The following CTNNA3 variants were observed in gnomAD, a reference collection of about 807,000 sequenced individuals.
CTNNA3 encodes the protein catenin alpha 3.
CTNNA3 carries 76 observed loss-of-function variants against 95.7 expected under a neutral mutation model. That is an observed-to-expected ratio of 0.79 (90% CI 0.66 to 0.96). The LOEUF is 0.96. Ranked by LOEUF, CTNNA3 falls within the 40% of genes least tolerant of loss-of-function variation. The pLI is 0.00. For missense variants in CTNNA3, 1,191 were observed against 1,089.8 expected, an observed-to-expected ratio of 1.09 and a Z score of -1.31; for synonymous variants, 431 against 374.4, an observed-to-expected ratio of 1.15 and a Z score of -1.74.
At chr10:66,236,960 A>T (rs556415767) in intron 13 of CTNNA3, among the ~76,000 whole-genome samples, 17 of 66,544 alleles carry the variant, frequency 2.6e-4, no homozygotes, top group African/African-American at 6.3e-4. Context: ...ACTAAAAATT[A>T]AAAAAAAAAC....
intron 5 of CTNNA3, among the ~76,000 whole-genome samples, chr10:67,402,842 A>G (rs1380751053): frequency 6.6e-6 from 1 of 152,188 alleles, no homozygotes; most frequent in Non-Finnish European, 1.5e-5. Context: ...TACCCCAGCC[A>G]CAGGATCCCT....
chr10:67,018,218 T>C (rs1489725829), intron 7 of CTNNA3, among the ~76,000 whole-genome samples: 1 of 152,240 alleles, frequency 6.6e-6, no homozygotes, highest in Non-Finnish European at 1.5e-5. Flanking sequence ...TCCACTTTCA[T>C]TTATTTTTAC....
intron 6 of CTNNA3, among the ~76,000 whole-genome samples, chr10:67,196,218 A>G (rs553873932): frequency 5.6e-4 from 86 of 152,218 alleles, no homozygotes; most frequent in African/African-American, 1.8e-3. Context: ...TAATCTAAAG[A>G]ATAGAAGCTT....
chr10:66,957,415 C>CATAT (rs549686922), intron 7 of CTNNA3, among the ~76,000 whole-genome samples: 235 of 32,438 alleles, frequency 7.2e-3, no homozygotes, highest in Non-Finnish European at 0.011. Flanking sequence ...TATATATATG[C>CATAT]ATATATATAT....
intron 11 of CTNNA3, among the ~76,000 whole-genome samples, chr10:66,455,551 T>C (rs549266666): frequency 1.7e-4 from 26 of 152,292 alleles, no homozygotes; most frequent in Admixed American, 1.4e-3. Context: ...ACCAGTGCCC[T>C]GACAGTTTAC....
chr10:67,539,475 A>G, intron 4 of CTNNA3, 28 bp downstream of exon 4: 3 of 1,608,856 alleles, frequency 1.9e-6, no homozygotes, highest in Non-Finnish European at 2.6e-6. Flanking sequence ...AGACAATGCC[A>G]AGGTAAACTA....
At chr10:66,663,031 A>G (rs756691728) in intron 9 of CTNNA3, among the ~76,000 whole-genome samples, 1 of 151,980 alleles carries the variant, frequency 6.6e-6, no homozygotes, top group African/African-American at 2.4e-5. Context: ...CTAATTTACC[A>G]CTGACCTCCA....
intron 7 of CTNNA3, among the ~76,000 whole-genome samples, chr10:66,823,183 C>G (rs1024861604): frequency 1.3e-5 from 2 of 152,134 alleles, no homozygotes; most frequent in African/African-American, 4.8e-5. Flanking sequence ...ACATTCCTAG[C>G]TGGTGGTGAG....
At chr10:66,798,695 G>A (rs1374319785) in intron 7 of CTNNA3, among the ~76,000 whole-genome samples, 1 of 151,582 alleles carries the variant, frequency 6.6e-6, no homozygotes, top group Non-Finnish European at 1.5e-5. Flanking sequence ...GATTAGTGAA[G>A]TGATGAAAAA....
intron 9 of CTNNA3, among the ~76,000 whole-genome samples, chr10:66,634,834 G>A (rs763253879): frequency 2.0e-5 from 3 of 152,032 alleles, no homozygotes; most frequent in Non-Finnish European, 4.4e-5. Flanking sequence ...GCGTCAGAAT[G>A]TGCCATCACA....
chr10:67,289,803 A>G (rs1023595610), intron 5 of CTNNA3, among the ~76,000 whole-genome samples: 1 of 151,692 alleles, frequency 6.6e-6, no homozygotes, highest in Non-Finnish European at 1.5e-5. Flanking sequence ...TGGTTGATGG[A>G]TGGATTTATT....
chr10:66,076,362 T>G (rs979098072), intron 14 of CTNNA3, among the ~76,000 whole-genome samples: 3 of 151,708 alleles, frequency 2.0e-5, no homozygotes, highest in East Asian at 3.9e-4. Flanking sequence ...TAAGCAAGAT[T>G]TATGCATTGG....
At chr10:66,014,827 G>A (rs995743615) in intron 15 of CTNNA3, among the ~76,000 whole-genome samples, 2 of 152,202 alleles carry the variant, frequency 1.3e-5, no homozygotes, top group Admixed American at 1.3e-4. Flanking sequence ...TGATTTGCCA[G>A]GTGCGGTGGC....
intron 6 of CTNNA3, among the ~76,000 whole-genome samples, chr10:67,210,763 A>C (rs910903009): frequency 1.3e-5 from 2 of 152,216 alleles, no homozygotes; most frequent in African/African-American, 4.8e-5. Context: ...TAATAAATAA[A>C]AATAAAAACT....
intron 5 of CTNNA3, among the ~76,000 whole-genome samples, chr10:67,513,090 T>C (rs1269937650): frequency 2.6e-5 from 4 of 152,220 alleles, no homozygotes; most frequent in Admixed American, 6.5e-5. Flanking sequence ...TTCGCATGTA[T>C]AGATAAATGT....
intron 7 of CTNNA3, among the ~76,000 whole-genome samples, chr10:67,156,670 T>C (rs1861321889): frequency 1.3e-5 from 2 of 152,130 alleles, no homozygotes; most frequent in African/African-American, 4.8e-5. Context: ...GATTTCAATC[T>C]CCGTAAATTT....
chr10:67,604,643 A>C (rs991170319), intron 3 of CTNNA3, among the ~76,000 whole-genome samples: 3 of 152,126 alleles, frequency 2.0e-5, no homozygotes, highest in Admixed American at 6.6e-5. Flanking sequence ...TGTACACCAA[A>C]CCCCCATGAC....
At chr10:67,614,201 T>G (rs184011059) in intron 2 of CTNNA3, among the ~76,000 whole-genome samples, 2 of 152,242 alleles carry the variant, frequency 1.3e-5, no homozygotes, top group African/African-American at 4.8e-5. Flanking sequence ...TACAAACCTC[T>G]AGCTAGCTGC....
chr10:66,291,756 ATATC>A (rs1471838618), intron 12 of CTNNA3, among the ~76,000 whole-genome samples: 1 of 151,554 alleles, frequency 6.6e-6, no homozygotes, highest in African/African-American at 2.4e-5. Flanking sequence ...ATATTAATAT[ATATC>A]TGTCTGTATA....
Sources: gnomAD v4.1 joint callset for allele counts (sites outside exome capture counted in the v4.1 genomes callset) on GRCh38, gnomAD v4.1.1 for gene constraint, MANE v1.5 for transcripts, NCBI Gene and HGNC (gene_info 2026-07-23, HGNC 2026-07-21) for gene names.